HPSE2: variants seen among roughly 807,000 people sequenced by gnomAD.
HPSE2 encodes the protein inactive heparanase-2.
A neutral mutation model predicts 60.5 loss-of-function variants in HPSE2; 38 were observed. The observed-to-expected ratio is 0.63, with a 90% confidence interval of 0.48 to 0.82. The LOEUF (loss-of-function observed/expected upper bound fraction) is 0.82. HPSE2 is among the 40% of genes least tolerant of loss of function. HPSE2 has a pLI of 0.00. For missense variants in HPSE2, 713 were observed against 740.4 expected, an observed-to-expected ratio of 0.96 and a Z score of 0.43; for synonymous variants, 295 against 293.2, an observed-to-expected ratio of 1.01 and a Z score of -0.06.
rs562152769 is a variant in HPSE2 at position 98,694,824 on chromosome 10, C to T, written c.957-877G>A. ...TAACTACTAGTTGAGGGAGTCATTA[C>T]CCAGGCACAGGAAACCAAAAGGAGT... On this transcript the variant is annotated intron_variant, in intron 5 of 11. Transcript: ENST00000370552. Among the ~76,000 whole-genome samples the T allele has an allele frequency of 6.6e-4, 100 of 152,284 alleles. No homozygotes were observed. The Middle Eastern group carries it at 0.01, about 16-fold the overall frequency.
At chr10:98,699,028 C>T (rs1395968164) in intron 5 of HPSE2, among the ~76,000 whole-genome samples, 1 of 151,638 alleles carries the variant, frequency 6.6e-6, no homozygotes, top group Non-Finnish European at 1.5e-5. Flanking sequence ...GAGTCCAGGA[C>T]CAGATGGATT....
At chr10:99,154,865 G>A (rs1437521535) in intron 2 of HPSE2, among the ~76,000 whole-genome samples, 9 of 152,032 alleles carry the variant, frequency 5.9e-5, no homozygotes, top group East Asian at 1.9e-4. Context: ...CCCAACTCAC[G>A]TGCAGAGACA....
intron 9 of HPSE2, among the ~76,000 whole-genome samples, chr10:98,561,638 A>G (rs1944185936): frequency 1.3e-5 from 2 of 152,172 alleles, no homozygotes; most frequent in Admixed American, 1.3e-4. Context: ...ACCTGAGGTC[A>G]GGAGTTCGAG....
At chr10:98,760,682 G>A (rs1436486495) in intron 3 of HPSE2, among the ~76,000 whole-genome samples, 1 of 152,040 alleles carries the variant, frequency 6.6e-6, no homozygotes, top group Non-Finnish European at 1.5e-5. Context: ...TTACTGTGCT[G>A]TTGAATTTGC....
chr10:98,486,649 C>G (rs906621385), intron 10 of HPSE2, among the ~76,000 whole-genome samples: 1 of 152,064 alleles, frequency 6.6e-6, no homozygotes, highest in Non-Finnish European at 1.5e-5. Context: ...CAGTCATGTT[C>G]TAGAAATGTC....
At chr10:98,837,471 T>C (rs988029448) in intron 3 of HPSE2, among the ~76,000 whole-genome samples, 12 of 152,234 alleles carry the variant, frequency 7.9e-5, no homozygotes, top group African/African-American at 2.4e-4. Context: ...GAACTATTAC[T>C]GTTTTCTATT....
intron 3 of HPSE2, among the ~76,000 whole-genome samples, chr10:99,118,953 T>C (rs941324074): frequency 6.7e-6 from 1 of 149,670 alleles, no homozygotes; most frequent in Non-Finnish European, 1.5e-5. Flanking sequence ...GAGGTGGAGG[T>C]TGAAGTGAGC....
chr10:98,682,276 T>C (rs1425069506), intron 6 of HPSE2, among the ~76,000 whole-genome samples: 1 of 152,220 alleles, frequency 6.6e-6, no homozygotes, highest in African/African-American at 2.4e-5. Flanking sequence ...CTTTCCACCA[T>C]GAGTGAAAGT....
At chr10:99,045,914 A>G (rs1957844419) in intron 3 of HPSE2, among the ~76,000 whole-genome samples, 1 of 152,204 alleles carries the variant, frequency 6.6e-6, no homozygotes, top group Non-Finnish European at 1.5e-5. Flanking sequence ...ATGTACAAAG[A>G]AGAACTGGTA....
intron 2 of HPSE2, among the ~76,000 whole-genome samples, chr10:99,198,504 A>T (rs1848474293): frequency 6.6e-6 from 1 of 152,234 alleles, no homozygotes; most frequent in Non-Finnish European, 1.5e-5. Context: ...CCACTTTTAT[A>T]GAGCTTACAA....
chr10:98,986,467 A>G (rs1346592124), intron 3 of HPSE2, among the ~76,000 whole-genome samples: 3 of 151,532 alleles, frequency 2.0e-5, no homozygotes, highest in Admixed American at 2.0e-4. Flanking sequence ...ACAACATACC[A>G]GAATCTCTGG....
At chr10:98,570,758 C>T (rs500088) in intron 9 of HPSE2, among the ~76,000 whole-genome samples, 128,990 of 151,982 alleles carry the variant, frequency 0.85, 56,023 homozygotes, top group East Asian at 1. Context: ...GGTGGACAAC[C>T]AACCTGGATA....
At chr10:99,178,646 A>T (rs1208264449) in intron 2 of HPSE2, among the ~76,000 whole-genome samples, 5 of 152,212 alleles carry the variant, frequency 3.3e-5, no homozygotes, top group Non-Finnish European at 5.9e-5. Context: ...CCAACCAAAA[A>T]AAGTCCAGGA....
At chr10:98,507,225 T>A (rs1276816266) in intron 9 of HPSE2, among the ~76,000 whole-genome samples, 1 of 152,194 alleles carries the variant, frequency 6.6e-6, no homozygotes, top group Admixed American at 6.5e-5. Context: ...GGTAATGTTT[T>A]AGTTTTGGGG....
upstream of HPSE2, among the ~76,000 whole-genome samples, chr10:99,237,469 T>G (rs2133961163): frequency 6.6e-6 from 1 of 152,188 alleles, no homozygotes; most frequent in African/African-American, 2.4e-5. Flanking sequence ...TCAACTGAAG[T>G]TCCCTGAAAA....
intron 3 of HPSE2, among the ~76,000 whole-genome samples, chr10:99,008,272 A>T (rs1438643188): frequency 2.0e-5 from 3 of 152,234 alleles, no homozygotes; most frequent in Non-Finnish European, 4.4e-5. Flanking sequence ...CTTTTTTTAC[A>T]CTAGCAAGGA....
chr10:98,520,626 T>C (rs1942758880), intron 9 of HPSE2, among the ~76,000 whole-genome samples: 3 of 152,226 alleles, frequency 2.0e-5, no homozygotes, highest in East Asian at 3.8e-4. Context: ...GTATATCTAA[T>C]GGCTTTTAGG....
chr10:98,468,548 G>A (rs372492754), intron 11 of HPSE2, among the ~76,000 whole-genome samples: 2 of 152,028 alleles, frequency 1.3e-5, no homozygotes, highest in Non-Finnish European at 2.9e-5. Context: ...CTGGGAGAGC[G>A]GCACATTATC....
Position 98,781,285 on chromosome 10 carries a change from TTC to T in HPSE2, c.611-37231_611-37230del, listed in dbSNP as rs201852518. Among the ~76,000 whole-genome samples the T allele has an allele frequency of 3.1e-3, 139 of 44,966 alleles. 2 individuals carry two copies. The highest frequency in any genetic ancestry group is 0.01 in the African/African-American group (126 of 12,274). The allele number at this position is 44,966 out of a possible 152,430, so 29.5% of individuals were successfully genotyped here. A position where few individuals can be genotyped will look rare whatever the true frequency, so the allele number is the denominator to read the frequency against. ...GAAAGAAAAACACCCATATATCCAC[TTC>T]TTTTTTTTTTTTTTTTTTTATTTTT... On this transcript the variant is annotated intron_variant, in intron 3 of 11. Coordinates refer to ENST00000370552, the MANE Select transcript of HPSE2 (RefSeq NM_021828.5).
Sources: allele counts gnomAD v4.1 joint callset (sites outside exome capture counted in the v4.1 genomes callset), GRCh38; gene constraint gnomAD v4.1.1; transcripts MANE v1.5; gene names NCBI Gene and HGNC (gene_info 2026-07-23, HGNC 2026-07-21).